Variants in NRXN3 observed in about 807,000 individuals in gnomAD.
NRXN3 encodes the protein neurexin III.
NRXN3 carries 32 observed loss-of-function variants against 137.6 expected under a neutral mutation model. The ratio of observed to expected loss-of-function variants is 0.23; its 90% confidence interval spans 0.18 to 0.31. The LOEUF (loss-of-function observed/expected upper bound fraction) is 0.31, where lower values mean the gene tolerates loss of function less well. NRXN3 is among the 10% of genes least tolerant of loss of function. The pLI is 1.00. For missense variants in NRXN3, 1,574 were observed against 2,062.5 expected (o/e 0.76, Z 4.59); for synonymous variants, 798 against 784.5 (o/e 1.02, Z -0.29).
At chr14:79,676,499 A>G (rs2098641578) in intron 17 of NRXN3, among the ~76,000 whole-genome samples, 1 of 151,838 alleles carries the variant, frequency 6.6e-6, no homozygotes, top group South Asian at 2.1e-4. Flanking sequence ...CTAGAGATCT[A>G]ATGTACAACA....
At chr14:78,639,105 A>G (rs901903831) in intron 4 of NRXN3, among the ~76,000 whole-genome samples, 1 of 152,198 alleles carries the variant, frequency 6.6e-6, no homozygotes, top group Admixed American at 6.5e-5. Flanking sequence ...CAGAGAGTAA[A>G]TGAGTTCACA....
chr14:78,271,476 TA>T (rs11385086), intron 2 of NRXN3, among the ~76,000 whole-genome samples: 174 of 104,270 alleles, frequency 1.7e-3, no homozygotes, highest in East Asian at 6.2e-3. Flanking sequence ...CTAAAGCATT[TA>T]AAAAAAAAAA....
At chr14:78,703,949 C>G (rs189929152) in intron 6 of NRXN3, 4 of 152,360 alleles carry the variant, frequency 2.6e-5, no homozygotes, top group African/African-American at 7.2e-5. Flanking sequence ...CTGGGCACTC[C>G]AGGGCACATG....
At chr14:79,222,892 A>G (rs2070059011) in intron 15 of NRXN3, among the ~76,000 whole-genome samples, 1 of 152,064 alleles carries the variant, frequency 6.6e-6, no homozygotes, top group East Asian at 1.9e-4. Flanking sequence ...TTGAATTTCA[A>G]GAGTTTTTAA....
At chr14:78,984,572 G>A (rs1011199072) in intron 14 of NRXN3, among the ~76,000 whole-genome samples, 13 of 152,148 alleles carry the variant, frequency 8.5e-5, no homozygotes, top group East Asian at 3.9e-4. Context: ...AGCAGGAAGC[G>A]CAAAGGAACT....
At chr14:79,262,590 GAGA>G (rs1029704596) in intron 15 of NRXN3, among the ~76,000 whole-genome samples, 2 of 152,066 alleles carry the variant, frequency 1.3e-5, no homozygotes, top group Non-Finnish European at 2.9e-5. Context: ...TAACAAGAAG[GAGA>G]AGAAGAATCA....
chr14:78,994,348 C>T (rs1598339315), intron 15 of NRXN3, among the ~76,000 whole-genome samples: 2 of 152,128 alleles, frequency 1.3e-5, no homozygotes, highest in East Asian at 3.9e-4. Flanking sequence ...TTTTGCCCTG[C>T]TTTGTTTGGT....
At chr14:78,319,198 G>C (rs1276423205) in intron 4 of NRXN3, among the ~76,000 whole-genome samples, 1 of 152,192 alleles carries the variant, frequency 6.6e-6, no homozygotes, top group Non-Finnish European at 1.5e-5. Flanking sequence ...CAGATTCTTA[G>C]GAATTAGTTG....
chr14:79,818,310 C>T (rs1041505789), intron 20 of NRXN3, among the ~76,000 whole-genome samples: 19 of 152,216 alleles, frequency 1.2e-4, no homozygotes, highest in Admixed American at 7.2e-4. Context: ...GCCTCGGCCT[C>T]CCAAAGTGCT....
At position 78,966,358 on chromosome 14, in the gene NRXN3, T is replaced by A; in HGVS notation, c.2729T>A (p.Phe910Tyr). Reference protein sequence around the residue: ...KTTSPDGFILFNSGDGNDFIA... With the variant: ...KTTSPDGFILYNSGDGNDFIA... ...ACCTCACCAGATGGCTTCATTCTCTTCAATAGTGGTGATGGCAATGACTTC... is the reference window on the plus strand; with the variant it reads ...ACCTCACCAGATGGCTTCATTCTCTACAATAGTGGTGATGGCAATGACTTC... The change falls in exon 12 of 21, where the codon TTC becomes TAC. Residue 910 changes from phenylalanine (F) to tyrosine (Y), a missense_variant. Coordinates refer to ENST00000335750, the MANE Select transcript of NRXN3 (RefSeq NM_001330195.2). 6.2e-7 allele frequency: 1 copy of A among 1,614,142 alleles called. No homozygotes were observed. The highest frequency in any genetic ancestry group is 8.5e-7 in the Non-Finnish European group (1 of 1,180,004).
chr14:78,812,304 C>A (rs2098916514), intron 10 of NRXN3, among the ~76,000 whole-genome samples: 1 of 152,050 alleles, frequency 6.6e-6, no homozygotes, highest in Non-Finnish European at 1.5e-5. Flanking sequence ...TTGTATCTTG[C>A]TTCTTCAAAA....
chr14:78,231,406 T>C (rs1317369529), intron 1 of NRXN3: 3 of 152,322 alleles, frequency 2.0e-5, no homozygotes, highest in East Asian at 3.9e-4. Context: ...CATGTAGTAA[T>C]GTTGTTTCAC....
chr14:79,102,097 G>A (rs2051427243), intron 15 of NRXN3, among the ~76,000 whole-genome samples: 2 of 152,124 alleles, frequency 1.3e-5, no homozygotes, highest in South Asian at 4.2e-4. Context: ...GTCTTGATTT[G>A]AGACTTCTGG....
intron 1 of NRXN3, among the ~76,000 whole-genome samples, chr14:78,186,093 A>G (rs373530775): frequency 1.1e-4 from 16 of 152,234 alleles, no homozygotes; most frequent in East Asian, 7.7e-4. Flanking sequence ...GTCTCAGCAG[A>G]AGCCACTAAG....
chr14:79,740,751 T>TAA (rs2098960146), intron 19 of NRXN3, among the ~76,000 whole-genome samples: 1 of 78,306 alleles, frequency 1.3e-5, no homozygotes, highest in Non-Finnish European at 2.9e-5. Context: ...TATATATATA[T>TAA]ATATATATAT....
chr14:78,394,108 C>T (rs968982143), intron 4 of NRXN3, among the ~76,000 whole-genome samples: 6 of 151,930 alleles, frequency 3.9e-5, no homozygotes, highest in African/African-American at 7.2e-5. Context: ...CCTTATTTTA[C>T]TGGCTAGAAC....
chr14:79,267,173 T>C (rs1046685134), intron 15 of NRXN3, among the ~76,000 whole-genome samples: 16 of 152,142 alleles, frequency 1.1e-4, no homozygotes, highest in Admixed American at 3.9e-4. Flanking sequence ...TATAAACATA[T>C]AGAAAAACAA....
At chr14:79,741,359 G>A (rs1046699096) in intron 19 of NRXN3, among the ~76,000 whole-genome samples, 1 of 151,956 alleles carries the variant, frequency 6.6e-6, no homozygotes, top group Non-Finnish European at 1.5e-5. Flanking sequence ...CAATATGAAA[G>A]GTGTTATTAA....
intron 2 of NRXN3, among the ~76,000 whole-genome samples, chr14:78,254,617 G>A (rs1381517328): frequency 6.6e-6 from 1 of 151,322 alleles, no homozygotes; most frequent in Non-Finnish European, 1.5e-5. Context: ...GGTGGAGGTT[G>A]CAGTGAGCCG....
Sources: allele counts gnomAD v4.1 joint callset (sites outside exome capture counted in the v4.1 genomes callset), GRCh38; gene constraint gnomAD v4.1.1; transcripts MANE v1.5; gene names NCBI Gene and HGNC (gene_info 2026-07-23, HGNC 2026-07-21).